SYT2: variants seen among roughly 807,000 people sequenced by gnomAD.
SYT2 encodes synaptotagmin-2.
Under a neutral mutation model 39.9 loss-of-function variants are expected in SYT2, and 15 were observed. The observed-to-expected ratio is 0.38, with a 90% CI of 0.25 to 0.58. SYT2 has a LOEUF of 0.58. Ranked by LOEUF, SYT2 falls within the 20% of genes least tolerant of loss-of-function variation. SYT2 has a pLI of 0.70. For missense variants in SYT2, 389 were observed against 530.3 expected (o/e 0.73, Z 2.62); for synonymous variants, 181 against 204.5 (o/e 0.89, Z 0.98).
Position 202,603,127 on chromosome 1 carries a change from G to C in SYT2, c.346-9C>G. The C allele has an allele frequency of 6.2e-7, 1 of 1,614,062 alleles. No homozygotes were observed. Among genetic ancestry groups the C allele is most frequent in the Non-Finnish European group, 8.5e-7 (1 of 1,179,964 alleles). On this transcript the variant is annotated splice_polypyrimidine_tract_variant and intron_variant, in intron 3 of 8. Transcript: ENST00000367268. ...TCTGCGTCGTCGTCATCCTGTGGGA[G>C]CTGGGGGAGAGAGGGAACAAGTTAA...
intron 1 of SYT2, among the ~76,000 whole-genome samples, chr1:202,626,814 A>G (rs1691430787): frequency 6.6e-6 from 1 of 152,136 alleles, no homozygotes; most frequent in African/African-American, 2.4e-5. Flanking sequence ...GACACTTAGC[A>G]GCTCTGCAGC....
Position 202,656,831 on chromosome 1 carries a change from GTTTGGACATCTTTAAGAGTTAC to G in SYT2, c.-17-51064_-17-51043del, listed in dbSNP as rs1386220354. 5.3e-5 allele frequency among the ~76,000 whole-genome samples: 8 copies of G among 152,322 alleles called. No individual in the cohort carries two copies. In the South Asian group the frequency reaches 1.0e-3, roughly 20 times the overall value. ...CCCACCACATTATGCTCTTCCCACT[GTTTGGACATCTTTAAGAGTTAC>G]AGTGGACTTCCTATCTTGAACTAAA... On this transcript the variant is annotated intron_variant, in intron 1 of 8. Coordinates refer to ENST00000367268, the MANE Select transcript of SYT2 (RefSeq NM_177402.5).
At chr1:202,655,668 C>A (rs987378452) in intron 1 of SYT2, among the ~76,000 whole-genome samples, 1 of 152,154 alleles carries the variant, frequency 6.6e-6, no homozygotes, top group African/African-American at 2.4e-5. Context: ...AGGGGTTACA[C>A]GATCCTGCTT....
chr1:202,654,427 TC>T (rs148701203), intron 1 of SYT2, among the ~76,000 whole-genome samples: 99 of 152,272 alleles, frequency 6.5e-4, no homozygotes, highest in African/African-American at 2.4e-3. Context: ...CAGAACGCCT[TC>T]CTCCAGCCTC....
At chr1:202,622,164 G>A (rs1183394908) in intron 1 of SYT2, among the ~76,000 whole-genome samples, 2 of 152,198 alleles carry the variant, frequency 1.3e-5, no homozygotes, top group Non-Finnish European at 2.9e-5. Flanking sequence ...ACCTGTCACC[G>A]AAGCTCACAG....
intron 1 of SYT2, among the ~76,000 whole-genome samples, chr1:202,676,279 T>C (rs1472215309): frequency 2.0e-5 from 3 of 149,590 alleles, no homozygotes; most frequent in Non-Finnish European, 4.4e-5. Context: ...GACAAGGAAA[T>C]AGATGAGATG....
intron 1 of SYT2, among the ~76,000 whole-genome samples, chr1:202,620,903 C>T (rs753777524): frequency 6.6e-6 from 1 of 152,158 alleles, no homozygotes. Context: ...TCACAGAAGG[C>T]CCAGATGCCC....
intron 1 of SYT2, among the ~76,000 whole-genome samples, chr1:202,652,747 C>T (rs1360889267): frequency 1.3e-5 from 2 of 152,214 alleles, no homozygotes; most frequent in Admixed American, 1.3e-4. Flanking sequence ...TGGAAAGACC[C>T]TGGCTTCAAA....
rs1690319320 is a variant in SYT2, at chr1:202,596,942, C to T, written c.1075G>A (p.Val359Met). 3.1e-6 allele frequency: 5 copies of T among 1,614,060 alleles called. No individual in the cohort carries two copies. The highest frequency in any genetic ancestry group is 2.2e-5 in the South Asian group (2 of 91,086). The part of the protein sequence containing the change: ...QIQKVQVVVT[V>M]LDYDKLGKNE... ...TTGCCCAGCTTGTCATAGTCCAGCACGGTGACCACTACCTGGACTTTCTGC... is the reference window on the plus strand; with the variant it reads ...TTGCCCAGCTTGTCATAGTCCAGCATGGTGACCACTACCTGGACTTTCTGC... Residue 359 changes from valine (V) to methionine (M), a missense_variant, in exon 9 of 9, where the codon GTG becomes ATG. This residue lies in a region of SYT2 where 84 missense variants were observed against 123.1 expected (regional missense o/e 0.68). Transcript: ENST00000367268.
intron 1 of SYT2, among the ~76,000 whole-genome samples, chr1:202,659,040 C>T (rs1692332883): frequency 6.6e-6 from 1 of 152,176 alleles, no homozygotes; most frequent in Non-Finnish European, 1.5e-5. Context: ...CTCTGTCTCT[C>T]TTTCTGAATG....
chr1:202,708,544 TGGTTCAGTCGG>T (rs1432959026), intron 1 of SYT2, among the ~76,000 whole-genome samples: 2 of 151,530 alleles, frequency 1.3e-5, no homozygotes, highest in African/African-American at 4.9e-5. Flanking sequence ...GAGGGAAAGG[TGGTTCAGTCGG>T]GGTTCAGTGG....
chr1:202,603,064 C>T lies in SYT2; in HGVS notation c.400G>A (p.Glu134Lys), dbSNP rs1312097215. 1.9e-6 allele frequency: 3 copies of T among 1,614,092 alleles called. No individual in the cohort carries two copies. The highest frequency in any genetic ancestry group is 1.1e-5 in the South Asian group (1 of 91,082). ...LTEGEGEGEE[E>K]KEPENLGKLQ... ...TTGCCCAGGTTCTCTGGCTCTTTCT[C>T]CTCCTCCCCTTCACCTTCCCCCTCA... The change falls in exon 4 of 9, where the codon GAG (glutamate) becomes AAG (lysine). Residue 134 changes from glutamate (E) to lysine (K), a missense_variant. By Grantham distance (56) the Glu-to-Lys change is moderately conservative (BLOSUM62 1). This residue lies in a region of SYT2 where 280 missense variants were observed against 335.6 expected (regional missense o/e 0.83). Transcript: ENST00000367268.
intron 1 of SYT2, among the ~76,000 whole-genome samples, chr1:202,685,379 T>G (rs1653636349): frequency 1.3e-5 from 2 of 152,282 alleles, no homozygotes; most frequent in South Asian, 4.2e-4. Context: ...ATTAGCAATG[T>G]GGAGAATCAG....
chr1:202,691,021 C>T (rs1001980538), intron 1 of SYT2, among the ~76,000 whole-genome samples: 2 of 152,218 alleles, frequency 1.3e-5, no homozygotes, highest in African/African-American at 4.8e-5. Flanking sequence ...ATGCACACAA[C>T]AGTCTTCTCT....
At chr1:202,689,668 G>T (rs921957383) in intron 1 of SYT2, among the ~76,000 whole-genome samples, 1 of 152,014 alleles carries the variant, frequency 6.6e-6, no homozygotes, top group Non-Finnish European at 1.5e-5. Context: ...GGAACACTGT[G>T]GGGGAGCAGG....
At chr1:202,644,016 G>A (rs1260130405) in intron 1 of SYT2, among the ~76,000 whole-genome samples, 1 of 152,210 alleles carries the variant, frequency 6.6e-6, no homozygotes, top group African/African-American at 2.4e-5. Context: ...AGGTTTTCCT[G>A]AGTCAAGGGA....
At chr1:202,693,857 C>A (rs1047088261) in intron 1 of SYT2, among the ~76,000 whole-genome samples, 6 of 152,192 alleles carry the variant, frequency 3.9e-5, no homozygotes, top group African/African-American at 1.4e-4. Context: ...GTGCTTCAGG[C>A]TGTATAGGAA....
Position 202,632,550 on chromosome 1 carries a change from C to A in SYT2, c.-17-26761G>T, listed in dbSNP as rs2149091748. 3.0e-6 allele frequency: 3 copies of A among 985,380 alleles called. 1 individual carries two copies. The South Asian group carries it at 1.4e-4, about 46-fold the overall frequency. The allele number at this position is 985,380 out of a possible 1,614,324, so 61.0% of individuals were successfully genotyped here. A position where few individuals can be genotyped will look rare whatever the true frequency, so the allele number is the denominator to read the frequency against. Reference sequence around the variant, plus strand: ...GCACAGGCCTGCTGGAAATGTCAGACCCTGTTCTGTCGATGAGAAGACTAA... The same window carrying A: ...GCACAGGCCTGCTGGAAATGTCAGAACCTGTTCTGTCGATGAGAAGACTAA... On this transcript the variant is annotated intron_variant, in intron 1 of 8. Coordinates refer to ENST00000367268, the MANE Select transcript of SYT2 (RefSeq NM_177402.5).
At chr1:202,683,658 T>G (rs1007341610) in intron 1 of SYT2, among the ~76,000 whole-genome samples, 3 of 151,492 alleles carry the variant, frequency 2.0e-5, no homozygotes, top group Non-Finnish European at 4.4e-5. Context: ...GGAGGACTGC[T>G]TAAGCTGAAG....
Sources: gnomAD v4.1 joint callset for allele counts (sites outside exome capture counted in the v4.1 genomes callset) on GRCh38, gnomAD v4.1.1 for gene constraint, gnomAD v4.1.1 regional missense constraint, MANE v1.5 for transcripts, NCBI Gene and HGNC (gene_info 2026-07-23, HGNC 2026-07-21) for gene names.